Variants in NECAB2 observed in about 807,000 individuals in gnomAD.
NECAB2 encodes the protein N-terminal EF-hand calcium-binding protein 2.
NECAB2 carries 68 observed loss-of-function variants against 51.9 expected under a neutral mutation model. The observed-to-expected ratio is 1.31, with a 90% CI of 1.08 to 1.60. The LOEUF (loss-of-function observed/expected upper bound fraction) is 1.60, where lower values mean the gene tolerates loss of function less well. Among genes scored for constraint, NECAB2 ranks in the 40% most tolerant of loss-of-function variants. The pLI is 0.00. For synonymous variants in NECAB2, 329 were observed against 203.5 expected, an observed-to-expected ratio of 1.62 and a Z score of -5.25; for missense variants, 854 against 490.3, an observed-to-expected ratio of 1.74 and a Z score of -7.00.
chr16:83,996,523 T>C (rs1298207678), intron 8 of NECAB2, among the ~76,000 whole-genome samples: 1 of 152,116 alleles, frequency 6.6e-6, no homozygotes, highest in African/African-American at 2.4e-5. Flanking sequence ...TCATGGAGGA[T>C]GGACAGAGAT....
upstream of NECAB2, chr16:83,965,544 T>G: frequency 6.2e-7 from 1 of 1,612,792 alleles, no homozygotes; most frequent in African/African-American, 1.3e-5. Flanking sequence ...GACCCTGGCC[T>G]GGTGTTCAAC....
intron 2 of NECAB2, among the ~76,000 whole-genome samples, chr16:83,973,991 G>A (rs2084376996): frequency 1.3e-5 from 2 of 152,024 alleles, no homozygotes; most frequent in Admixed American, 1.3e-4. Context: ...GGCACAGATG[G>A]GGTTCTGTCC....
chr16:83,974,500 C>G (rs1022328584), intron 2 of NECAB2, among the ~76,000 whole-genome samples: 2 of 152,084 alleles, frequency 1.3e-5, no homozygotes, highest in Admixed American at 6.6e-5. Flanking sequence ...GCAGGGAATT[C>G]GGTCTGGGGG....
chr16:83,969,231 T>C (rs2084323014), intron 1 of NECAB2, among the ~76,000 whole-genome samples: 1 of 150,304 alleles, frequency 6.7e-6, no homozygotes, highest in African/African-American at 2.5e-5. Context: ...CCTCCTCCTC[T>C]CCATCCCGGA....
chr16:83,973,829 TGG>T (rs1436560820), intron 2 of NECAB2, among the ~76,000 whole-genome samples: 1 of 152,028 alleles, frequency 6.6e-6, no homozygotes, highest in East Asian at 1.9e-4. Context: ...GTGAGGCTGT[TGG>T]GAATGCGTGT....
At chr16:83,965,440 C>T (rs958617430), upstream of NECAB2, 14 of 1,593,938 alleles carry the variant, frequency 8.8e-6, no homozygotes, top group Admixed American at 1.7e-5. Context: ...ACCCTGTCCT[C>T]ATCATTGGCG....
Position 84,002,761 on chromosome 16 carries a change from A to C in NECAB2, c.*415A>C. ...ACCACTGTGCCCAGGCGCCAAATAA[A>C]CCCTGGTTGGGAAGAGCTGTGTGCT... On this transcript the variant is annotated 3_prime_UTR_variant, in exon 13 of 13. Coordinates refer to ENST00000305202, the MANE Select transcript of NECAB2 (RefSeq NM_019065.3). The C allele has an allele frequency of 9.8e-6, 2 of 204,116 alleles. No individual in the cohort carries two copies. The highest frequency in any genetic ancestry group is 1.1e-4 in the East Asian group (1 of 8,848). 12.6% of individuals were successfully genotyped at this position (204,116 alleles called of 1,614,324 possible). A position where few individuals can be genotyped will look rare whatever the true frequency, so the allele number is the denominator to read the frequency against.
chr16:83,965,220 C>G (rs748605632), upstream of NECAB2: 51 of 1,612,848 alleles, frequency 3.2e-5, no homozygotes, highest in Non-Finnish European at 3.8e-5. Context: ...GCCCAGGACT[C>G]CAGCCCCCTC....
At chr16:83,980,926 G>C in intron 4 of NECAB2, 62 bp downstream of exon 4, 1 of 1,611,726 alleles carries the variant, frequency 6.2e-7, no homozygotes, top group East Asian at 2.2e-5. Flanking sequence ...GATGAGAAGG[G>C]CCTGAGGCAG....
chr16:83,997,870 T>C (rs1353035981), intron 9 of NECAB2, among the ~76,000 whole-genome samples: 2 of 152,090 alleles, frequency 1.3e-5, no homozygotes, highest in Admixed American at 6.5e-5. Flanking sequence ...GTGAAAATGC[T>C]GAGTCCATCA....
At chr16:83,967,177 T>C (rs1237197754), upstream of NECAB2, among the ~76,000 whole-genome samples, 1 of 152,040 alleles carries the variant, frequency 6.6e-6, no homozygotes, top group Non-Finnish European at 1.5e-5. Flanking sequence ...CTTCCAGCAG[T>C]TCAGTTTTAA....
chr16:83,987,334 G>C (rs1439934041), intron 5 of NECAB2, among the ~76,000 whole-genome samples: 1 of 152,078 alleles, frequency 6.6e-6, no homozygotes, highest in African/African-American at 2.4e-5. Flanking sequence ...ATACTAAATT[G>C]CGTTTTGTCA....
chr16:83,997,682 A>T (rs1567678213), intron 9 of NECAB2, among the ~76,000 whole-genome samples: 1 of 150,634 alleles, frequency 6.6e-6, no homozygotes, highest in Non-Finnish European at 1.5e-5. Flanking sequence ...GTAGAGACGG[A>T]CAGGGTTTCA....
intron 1 of NECAB2, chr16:83,971,950 G>A (rs1326063360): frequency 3.0e-6 from 2 of 665,088 alleles, no homozygotes; most frequent in Non-Finnish European, 5.1e-6. Flanking sequence ...CGTGGGTGAG[G>A]GGAGGGCCTC....
intron 9 of NECAB2, among the ~76,000 whole-genome samples, chr16:83,997,798 G>A (rs994506259): frequency 6.6e-6 from 1 of 152,068 alleles, no homozygotes; most frequent in African/African-American, 2.4e-5. Context: ...TGGCCCAGAG[G>A]CTCCTGGACT....
intron 10 of NECAB2, among the ~76,000 whole-genome samples, chr16:83,999,754 A>G (rs535087747): frequency 6.6e-6 from 1 of 152,092 alleles, no homozygotes; most frequent in Non-Finnish European, 1.5e-5. Flanking sequence ...TCTGTGGCCC[A>G]GCACCCCCTC....
rs182636138 is a variant in NECAB2 at position 83,968,273 on chromosome 16, G to C, written c.-376G>C. Among the ~76,000 whole-genome samples the C allele has an allele frequency of 0.011, 1,679 of 151,414 alleles. 21 individuals are homozygous for C. Among genetic ancestry groups the C allele is most frequent in the Middle Eastern group, 0.017 (5 of 292 alleles). On this transcript the variant is annotated 5_prime_UTR_variant, in exon 1 of 13. Coordinates refer to ENST00000305202, the MANE Select transcript of NECAB2 (RefSeq NM_019065.3). ...GCTGCGCGCCGCGAGTGGGAGGGGG[G>C]ACTTTAGAAGCGGGGAGAGCAGGAG...
chr16:83,991,498 C>G (rs528023795), intron 6 of NECAB2, among the ~76,000 whole-genome samples: 4 of 151,310 alleles, frequency 2.6e-5, no homozygotes, highest in Non-Finnish European at 5.9e-5. Context: ...TCCCTAGTAG[C>G]TGGGATTACA....
At chr16:84,001,574 G>A (rs991524799) in intron 11 of NECAB2, among the ~76,000 whole-genome samples, 2 of 152,142 alleles carry the variant, frequency 1.3e-5, no homozygotes, top group African/African-American at 2.4e-5. Flanking sequence ...GGGAGGTAGA[G>A]GCTCTGTGCA....
Sources: gnomAD v4.1 joint callset for allele counts (sites outside exome capture counted in the v4.1 genomes callset) on GRCh38, gnomAD v4.1.1 for gene constraint, MANE v1.5 for transcripts, NCBI Gene and HGNC (gene_info 2026-07-23, HGNC 2026-07-21) for gene names.